Variants in GAPVD1 observed in about 807,000 individuals in gnomAD.
GAPVD1 encodes the protein GTPase activating protein and VPS9 domains 1.
GAPVD1 carries 35 observed loss-of-function variants against 155.5 expected under a neutral mutation model. The observed-to-expected ratio is 0.23, with a 90% CI of 0.17 to 0.30. The LOEUF (loss-of-function observed/expected upper bound fraction) is 0.30. GAPVD1 is among the 10% of genes least tolerant of loss of function. GAPVD1 has a pLI of 1.00. For synonymous variants in GAPVD1, 636 were observed against 619.7 expected (o/e 1.03, Z -0.39); for missense variants, 1,429 against 1,775.7 (o/e 0.80, Z 3.51).
Position 125,354,844 on chromosome 9 carries a change from A to G in GAPVD1, c.3757+3A>G. 1 of 1,595,660 alleles carries G rather than the reference A, an allele frequency of 6.3e-7. No homozygotes were observed. The highest frequency in any genetic ancestry group is 8.6e-7 in the Non-Finnish European group (1 of 1,163,188). The stretch of plus-strand genomic sequence containing the variant: ...GAAGATCAGGGAATTCATTCAAGGT[A>G]ACTCAATACCTTTAGTTTAAGCATC... On this transcript the variant is annotated splice_donor_region_variant and intron_variant, in intron 24 of 27. Transcript: ENST00000297933.
In GAPVD1 at chr9:125,359,410, G is replaced by T; in HGVS notation, c.3972-10G>T. On this transcript the variant is annotated splice_polypyrimidine_tract_variant and intron_variant, in intron 25 of 27. Transcript: ENST00000297933. The stretch of plus-strand genomic sequence containing the variant: ...TGAATGTTTACATGTGTATTTTGGG[G>T]GGTTTTCAGGGTTCTTCATGAACAT... The T allele has an allele frequency of 6.6e-7, 1 of 1,520,148 alleles. No homozygotes were observed. The highest frequency in any genetic ancestry group is 9.1e-7 in the Non-Finnish European group (1 of 1,096,160). The allele number at this position is 1,520,148 out of a possible 1,614,324, so 94.2% of individuals were successfully genotyped here.
intron 2 of GAPVD1, among the ~76,000 whole-genome samples, chr9:125,285,496 T>C (rs928696143): frequency 6.7e-6 from 1 of 149,250 alleles, no homozygotes; most frequent in African/African-American, 2.5e-5. Context: ...CTTCCTCTGT[T>C]GTCCAAGCTG....
chr9:125,307,140 C>T (rs965404209), intron 6 of GAPVD1, among the ~76,000 whole-genome samples: 19 of 151,870 alleles, frequency 1.3e-4, no homozygotes, highest in Non-Finnish European at 2.4e-4. Flanking sequence ...GTCGTGGCAC[C>T]TATAATCCCA....
Position 125,264,448 on chromosome 9 carries a change from G to T in GAPVD1, c.-199+2489G>T, listed in dbSNP as rs147103000. On this transcript the variant is annotated intron_variant, in intron 1 of 27. Coordinates refer to ENST00000297933, the MANE Select transcript of GAPVD1 (RefSeq NM_001282680.3). ...GACCTCAGGTGATCTGCCTGCCTCG[G>T]ACTCCCAAAGTGCTGGGATTACTGA... Among the ~76,000 whole-genome samples, 247 of 152,260 alleles carry T rather than the reference G, an allele frequency of 1.6e-3. 1 individual carries two copies. The highest frequency in any genetic ancestry group is 5.5e-3 in the African/African-American group (230 of 41,562).
At chr9:125,362,473 A>G in intron 27 of GAPVD1, 133 bp from the exon 28 acceptor site, 1 of 730,410 alleles carries the variant, frequency 1.4e-6, no homozygotes, top group Non-Finnish European at 2.2e-6. Context: ...TTACTTCCAA[A>G]AAATAACTTT....
At chr9:125,357,618 A>C (rs1850286160) in intron 25 of GAPVD1, among the ~76,000 whole-genome samples, 1 of 152,214 alleles carries the variant, frequency 6.6e-6, no homozygotes, top group African/African-American at 2.4e-5. Flanking sequence ...TAAGTATTTG[A>C]ATACCAGAAA....
intron 19 of GAPVD1, 30 bp from the exon 20 acceptor site, chr9:125,346,789 C>CT: frequency 1.3e-6 from 2 of 1,592,850 alleles, no homozygotes; most frequent in Non-Finnish European, 1.7e-6. Flanking sequence ...ACCCAAGGGG[C>CT]TAATTCTCTC....
At chr9:125,360,464 A>G in intron 26 of GAPVD1, 64 bp from the exon 27 acceptor site, 1 of 1,287,764 alleles carries the variant, frequency 7.8e-7, no homozygotes, top group South Asian at 1.2e-5. Context: ...CGGAGGTTGC[A>G]GTAGTCACTG....
chr9:125,337,381 A>G lies in GAPVD1; in HGVS notation c.2667A>G (p.Gln889=). The part of the protein sequence containing the change: ...LTPAEMEAFK[Q]RHSYPERLVR... ...CAGCTGAAATGGAGGCATTCAAGCA[A>G]AGGCATTCTTACCCTGAGAGACTAG... is the stretch of plus-strand genomic sequence containing the variant. Residue 889 remains glutamine, a synonymous_variant, in exon 17 of 28, where the codon CAA becomes CAG. Coordinates refer to ENST00000297933, the MANE Select transcript of GAPVD1 (RefSeq NM_001282680.3). 6.2e-7 allele frequency: 1 copy of G among 1,614,160 alleles called. No homozygotes were observed.
intron 10 of GAPVD1, among the ~76,000 whole-genome samples, 180 bp downstream of exon 10, chr9:125,321,742 AAATT>A (rs1844357790): frequency 6.6e-6 from 1 of 152,224 alleles, no homozygotes; most frequent in African/African-American, 2.4e-5. Context: ...AATAAAATTA[AAATT>A]GCAAGATGCC....
Position 125,359,428 on chromosome 9 carries a change from A to G in GAPVD1, c.3980A>G (p.His1327Arg), listed in dbSNP as rs1401334209. ...DGDILRDQVL[H>R]EHIQRLSKVV... ...TTTTGGGGGGTTTTCAGGGTTCTTC[A>G]TGAACATATCCAGAGATTGTCTAAA... Residue 1327 changes from histidine to arginine, a missense_variant, in exon 26 of 28, where the codon CAT becomes CGT. Physicochemically the swap from His to Arg is conservative, Grantham distance 29. Coordinates refer to ENST00000297933, the MANE Select transcript of GAPVD1 (RefSeq NM_001282680.3). 6.3e-7 allele frequency: 1 copy of G among 1,583,328 alleles called. No homozygotes were observed. The highest frequency in any genetic ancestry group is 1.1e-5 in the South Asian group (1 of 90,472).
At position 125,302,143 on chromosome 9, in the gene GAPVD1, G is replaced by A. The variant is rs202094140; in HGVS notation, c.346G>A (p.Ala116Thr). ...TCGTCTTATTGCCTCCTCTTTGGTTGCTGGAGAGAAACTTAATCAGGAGAA... is the reference window on the plus strand; with the variant it reads ...TCGTCTTATTGCCTCCTCTTTGGTTACTGGAGAGAAACTTAATCAGGAGAA... ...NPRLIASSLVAGEKLNQENTQ... is the reference protein window; with the variant it reads ...NPRLIASSLVTGEKLNQENTQ... Residue 116 changes from alanine (A) to threonine (T), a missense_variant, in exon 5 of 28, where the codon GCT becomes ACT. Ala to Thr is a moderately conservative substitution (Grantham distance 58). Coordinates refer to ENST00000297933, the MANE Select transcript of GAPVD1 (RefSeq NM_001282680.3). 1.9e-6 allele frequency: 3 copies of A among 1,613,788 alleles called. No homozygotes were observed. The highest frequency in any genetic ancestry group is 2.5e-6 in the Non-Finnish European group (3 of 1,179,984).
At position 125,268,164 on chromosome 9, in the gene GAPVD1, C is replaced by CA. The variant is rs201446880; in HGVS notation, c.-198-763dup. 6.5e-4 allele frequency among the ~76,000 whole-genome samples: 89 copies of CA among 137,808 alleles called. 1 individual carries two copies. Among genetic ancestry groups the CA allele is most frequent in the African/African-American group, 1.6e-3 (60 of 37,018 alleles). The allele number at this position is 137,808 out of a possible 152,430, so 90.4% of individuals were successfully genotyped here. ...GAGCAACAAGAACAAAACTCTGTCT[C>CA]AAAAAAAAACAACAACAAACAAACA... On this transcript the variant is annotated intron_variant, in intron 1 of 27. Coordinates refer to ENST00000297933, the MANE Select transcript of GAPVD1 (RefSeq NM_001282680.3).
intron 21 of GAPVD1, among the ~76,000 whole-genome samples, 156 bp from the exon 22 acceptor site, chr9:125,350,139 C>T (rs1259468582): frequency 1.3e-5 from 2 of 152,144 alleles, no homozygotes; most frequent in Non-Finnish European, 2.9e-5. Flanking sequence ...AATTAGAAAG[C>T]CTGTTCTTTT....
intron 19 of GAPVD1, 145 bp from the exon 20 acceptor site, chr9:125,346,674 A>AT: frequency 1.4e-6 from 1 of 730,100 alleles, no homozygotes; most frequent in Non-Finnish European, 2.5e-6. Context: ...AGGCAGCTGC[A>AT]TGGTGCCTCT....
chr9:125,336,259 T>A (rs1241437059), intron 15 of GAPVD1, among the ~76,000 whole-genome samples: 4 of 146,628 alleles, frequency 2.7e-5, no homozygotes, highest in Non-Finnish European at 4.5e-5. Context: ...AATAGTACTC[T>A]CATTCATTAT....
intron 15 of GAPVD1, chr9:125,335,152 A>C (rs753646064): frequency 2.7e-6 from 2 of 750,484 alleles, no homozygotes; most frequent in East Asian, 4.9e-5. Context: ...TTTTCCAACT[A>C]CATGTCCGTG....
chr9:125,280,184 G>A (rs1222556864), intron 2 of GAPVD1, among the ~76,000 whole-genome samples: 1 of 151,124 alleles, frequency 6.6e-6, no homozygotes, highest in Non-Finnish European at 1.5e-5. Flanking sequence ...CTCACCTGAG[G>A]TCAGGAGTTC....
chr9:125,274,809 C>A (rs1297274776), intron 2 of GAPVD1, among the ~76,000 whole-genome samples: 1 of 152,004 alleles, frequency 6.6e-6, no homozygotes, highest in African/African-American at 2.4e-5. Flanking sequence ...TGTGAACATA[C>A]CCTATGAAGT....
Sources: gnomAD v4.1 joint callset for allele counts (sites outside exome capture counted in the v4.1 genomes callset) on GRCh38, gnomAD v4.1.1 for gene constraint, MANE v1.5 for transcripts, NCBI Gene and HGNC (gene_info 2026-07-23, HGNC 2026-07-21) for gene names.